Variants in NRXN3 observed in about 807,000 individuals in gnomAD.
NRXN3 encodes neurexin III.
Under a neutral mutation model 137.6 loss-of-function variants are expected in NRXN3, and 32 were observed. The observed-to-expected ratio is 0.23, with a 90% CI of 0.18 to 0.31. The LOEUF is 0.31. Ranked by LOEUF, NRXN3 falls within the 10% of genes least tolerant of loss-of-function variation. NRXN3 has a pLI of 1.00. For missense variants in NRXN3, 1,574 were observed against 2,062.5 expected (o/e 0.76, Z 4.59); for synonymous variants, 798 against 784.5 (o/e 1.02, Z -0.29).
intron 19 of NRXN3, among the ~76,000 whole-genome samples, chr14:79,776,620 G>C (rs1405258597): frequency 1.3e-5 from 2 of 152,192 alleles, no homozygotes; most frequent in Non-Finnish European, 2.9e-5. Flanking sequence ...GTAGAGGACT[G>C]AGCTCTCTAT....
At chr14:79,206,991 C>T (rs2066884847) in intron 15 of NRXN3, among the ~76,000 whole-genome samples, 1 of 152,164 alleles carries the variant, frequency 6.6e-6, no homozygotes, top group Non-Finnish European at 1.5e-5. Context: ...AGATGTTAGC[C>T]TGTTCACAAA....
chr14:78,204,651 T>C (rs2062012365), intron 1 of NRXN3, among the ~76,000 whole-genome samples: 1 of 151,988 alleles, frequency 6.6e-6, no homozygotes, highest in African/African-American at 2.4e-5. Context: ...CTAAATTAAA[T>C]AATATGTGCA....
intron 8 of NRXN3, among the ~76,000 whole-genome samples, chr14:78,734,836 G>A (rs2098534381): frequency 6.6e-6 from 1 of 152,150 alleles, no homozygotes; most frequent in South Asian, 2.1e-4. Flanking sequence ...AGGTGGAAGT[G>A]GGGAGGAGAG....
chr14:78,957,217 C>A, intron 10 of NRXN3, 25 bp from the exon 11 acceptor site: 1 of 1,611,938 alleles, frequency 6.2e-7, no homozygotes, highest in East Asian at 2.2e-5. Flanking sequence ...TTGATTCTAA[C>A]TTTGGCACTT....
At chr14:78,278,705 C>T (rs1279426769) in intron 3 of NRXN3, 43 bp downstream of exon 3, 3 of 1,513,576 alleles carry the variant, frequency 2.0e-6, no homozygotes, top group Non-Finnish European at 2.7e-6. Flanking sequence ...AATTTCCCCT[C>T]TGCTAGATTG....
At chr14:78,534,213 C>T (rs906524025) in intron 4 of NRXN3, among the ~76,000 whole-genome samples, 1 of 152,176 alleles carries the variant, frequency 6.6e-6, no homozygotes. Context: ...TTTGCTGCCT[C>T]TCTCTTAAAT....
At chr14:78,676,530 G>A (rs1430350595) in intron 6 of NRXN3, among the ~76,000 whole-genome samples, 1 of 152,090 alleles carries the variant, frequency 6.6e-6, no homozygotes, top group Non-Finnish European at 1.5e-5. Flanking sequence ...TTTGAAATTA[G>A]TAAAGGTTAG....
At chr14:79,546,078 T>C (rs1601909822) in intron 16 of NRXN3, among the ~76,000 whole-genome samples, 2 of 152,286 alleles carry the variant, frequency 1.3e-5, no homozygotes, top group South Asian at 2.1e-4. Context: ...AGGTGTGACT[T>C]GCTCCTCCTT....
intron 15 of NRXN3, chr14:79,298,673 C>A (rs1242828140): frequency 1.3e-5 from 2 of 151,936 alleles, no homozygotes; most frequent in South Asian, 2.1e-4. Context: ...GGGGTTGTAA[C>A]AAGCAGGTAA....
chr14:79,687,424 G>A (rs972203388), intron 17 of NRXN3, among the ~76,000 whole-genome samples: 2 of 152,142 alleles, frequency 1.3e-5, no homozygotes, highest in African/African-American at 4.8e-5. Flanking sequence ...GAAGAGACAT[G>A]GCAATAACCT....
chr14:78,522,795 G>T (rs1479535136), intron 4 of NRXN3, among the ~76,000 whole-genome samples: 4 of 152,142 alleles, frequency 2.6e-5, no homozygotes, highest in Non-Finnish European at 4.4e-5. Context: ...CACTGGGGTT[G>T]TTAAACAAGT....
intron 11 of NRXN3, among the ~76,000 whole-genome samples, chr14:78,958,791 A>G (rs2099402317): frequency 6.6e-6 from 1 of 152,184 alleles, no homozygotes. Flanking sequence ...TTGCCATCAG[A>G]TCTGGGCCCT....
At chr14:78,683,516 T>C (rs1475889935) in intron 6 of NRXN3, among the ~76,000 whole-genome samples, 1 of 152,114 alleles carries the variant, frequency 6.6e-6, no homozygotes, top group Non-Finnish European at 1.5e-5. Context: ...CGCTACAGAG[T>C]GCCCCAGCTT....
chr14:78,482,220 A>G (rs77180807), intron 4 of NRXN3, among the ~76,000 whole-genome samples: 1 of 152,182 alleles, frequency 6.6e-6, no homozygotes, highest in African/African-American at 2.4e-5. Context: ...TATTGTTTCC[A>G]TGTTACAGAT....
At chr14:79,294,107 T>C (rs540311290) in intron 15 of NRXN3, among the ~76,000 whole-genome samples, 5 of 152,278 alleles carry the variant, frequency 3.3e-5, no homozygotes, top group East Asian at 1.9e-4. Context: ...AGAGGAAGTA[T>C]CTGAGGGTCG....
At chr14:78,308,174 C>T (rs73312523) in intron 4 of NRXN3, among the ~76,000 whole-genome samples, 1,566 of 151,818 alleles carry the variant, frequency 0.01, 28 homozygotes, top group African/African-American at 0.036. Flanking sequence ...CATGTGTGTG[C>T]GTGTGTAAGA....
intron 4 of NRXN3, among the ~76,000 whole-genome samples, chr14:78,472,156 C>A (rs2095287273): frequency 6.6e-6 from 1 of 152,150 alleles, no homozygotes; most frequent in Admixed American, 6.5e-5. Context: ...GGCCTAAGTT[C>A]CCCTCAGTGT....
At chr14:79,346,206 G>A (rs767051192) in intron 15 of NRXN3, among the ~76,000 whole-genome samples, 27 of 152,158 alleles carry the variant, frequency 1.8e-4, no homozygotes, top group Non-Finnish European at 3.2e-4. Flanking sequence ...GATTACCTGA[G>A]GTCAGGAGTC....
rs74330241 is a variant in NRXN3 at position 79,028,592 on chromosome 14, T to C, written c.3262+40451T>C. Among the ~76,000 whole-genome samples the C allele has an allele frequency of 3.7e-3, 559 of 152,290 alleles. 2 individuals carry two copies. Among genetic ancestry groups the C allele is most frequent in the African/African-American group, 0.013 (541 of 41,572 alleles). On this transcript the variant is annotated intron_variant, in intron 15 of 20. Coordinates refer to ENST00000335750, the MANE Select transcript of NRXN3 (RefSeq NM_001330195.2). ...AGATTAGAAACTGTCTGGTGGCTAA[T>C]GTACTGTTTACTGCAGTATAAATGA... is the stretch of plus-strand genomic sequence containing the variant.
Sources: allele counts gnomAD v4.1 joint callset (sites outside exome capture counted in the v4.1 genomes callset), GRCh38; gene constraint gnomAD v4.1.1; transcripts MANE v1.5; gene names NCBI Gene and HGNC (gene_info 2026-07-23, HGNC 2026-07-21).